The following ZNF469 variants were observed in gnomAD, a reference collection of about 807,000 sequenced individuals.
ZNF469 encodes zinc finger protein 469.
In ZNF469, 1 loss-of-function variant was observed where a neutral mutation model predicts 1.0. That is an observed-to-expected ratio of 1.00 (90% CI 0.35 to 4.73). The LOEUF is 4.73. ZNF469 is among the 30% of genes most tolerant of loss of function. ZNF469 has a pLI of 0.16. For missense variants in ZNF469, 6,100 were observed against 5,356.3 expected (o/e 1.14, Z -4.33); for synonymous variants, 2,703 against 2,363.4 (o/e 1.14, Z -4.17).
chr16:88,223,951 G>T, the ZNF469 span, among the ~76,000 whole-genome samples: 34 of 152,382 alleles, frequency 2.2e-4, no homozygotes, highest in East Asian at 6.6e-3. Context: ...GAATGAACGA[G>T]CGGAGGAATG....
the ZNF469 span, chr16:88,194,246 CCGGGGA>C: frequency 6.6e-6 from 1 of 152,380 alleles, no homozygotes; most frequent in African/African-American, 2.4e-5. Context: ...ACTGCAGCAG[CCGGGGA>C]CGGGCCTCAC....
rs766689830 is a variant in ZNF469 at position 88,427,442 on chromosome 16, C to A, written c.-29C>A. ...CCCCAGGGCCCCCCTCGGACAGCTG[C>A]GTCGTCCTAGCGCCAGGACGGAGGG... is the stretch of plus-strand genomic sequence containing the variant. On this transcript the variant is annotated 5_prime_UTR_variant, in exon 3 of 3. Transcript: ENST00000565624. 2 of 1,461,124 alleles carry A rather than the reference C, an allele frequency of 1.4e-6. No individual in the cohort carries two copies. The highest frequency in any genetic ancestry group is 1.8e-6 in the Non-Finnish European group (2 of 1,108,488). The allele number at this position is 1,461,124 out of a possible 1,614,324, so 90.5% of individuals were successfully genotyped here. A position where few individuals can be genotyped will look rare whatever the true frequency, so the allele number is the denominator to read the frequency against.
the ZNF469 span, among the ~76,000 whole-genome samples, chr16:88,289,660 G>A: frequency 6.6e-6 from 1 of 152,176 alleles, no homozygotes; most frequent in Admixed American, 6.5e-5. Context: ...GAGTGGTGGA[G>A]CTGGGATCGT....
the ZNF469 span, among the ~76,000 whole-genome samples, chr16:88,179,925 G>C: frequency 6.6e-6 from 1 of 152,214 alleles, no homozygotes; most frequent in East Asian, 1.9e-4. Context: ...TGAAGTGGTA[G>C]AATATTGTGT....
At chr16:88,110,792 G>C in the ZNF469 span, among the ~76,000 whole-genome samples, 1 of 152,240 alleles carries the variant, frequency 6.6e-6, no homozygotes, top group Non-Finnish European at 1.5e-5. Flanking sequence ...GTGCTTGTGG[G>C]CTCTAACAAA....
At chr16:88,349,713 T>TGCAC in the ZNF469 span, among the ~76,000 whole-genome samples, 4 of 28,004 alleles carry the variant, frequency 1.4e-4, no homozygotes, top group South Asian at 1.2e-3. Context: ...ACCACACAAG[T>TGCAC]ACACATCCAG....
chr16:88,410,148 G>A (rs745725887), intron 1 of ZNF469, among the ~76,000 whole-genome samples: 1 of 152,192 alleles, frequency 6.6e-6, no homozygotes, highest in Non-Finnish European at 1.5e-5. Flanking sequence ...AACTGTTCAC[G>A]GAGAAGTTCA....
the ZNF469 span, among the ~76,000 whole-genome samples, chr16:88,251,854 G>A: frequency 2.0e-4 from 31 of 151,880 alleles, no homozygotes; most frequent in East Asian, 7.8e-4. Flanking sequence ...TCACCGCGCC[G>A]GGCCCCTGCT....
chr16:88,184,611 G>C, the ZNF469 span, among the ~76,000 whole-genome samples: 1 of 152,140 alleles, frequency 6.6e-6, no homozygotes, highest in South Asian at 2.1e-4. Context: ...CAGGGGGGAA[G>C]CTGCAGAGTT....
chr16:88,308,429 C>G, the ZNF469 span, among the ~76,000 whole-genome samples: 1 of 152,142 alleles, frequency 6.6e-6, no homozygotes, highest in Non-Finnish European at 1.5e-5. Flanking sequence ...TCATCTGATT[C>G]TTTGGGAGAT....
chr16:88,216,513 A>G, the ZNF469 span, among the ~76,000 whole-genome samples: 1 of 148,676 alleles, frequency 6.7e-6, no homozygotes, highest in Non-Finnish European at 1.5e-5. Flanking sequence ...AAAAAAAGAT[A>G]TTATTCCATT....
chr16:88,121,690 G>A, the ZNF469 span, among the ~76,000 whole-genome samples: 4 of 152,206 alleles, frequency 2.6e-5, no homozygotes, highest in African/African-American at 9.6e-5. Flanking sequence ...CTGTTGTTCA[G>A]TGACTTTTAA....
the ZNF469 span, among the ~76,000 whole-genome samples, chr16:88,372,728 A>G: frequency 2.8e-5 from 4 of 144,552 alleles, no homozygotes; most frequent in African/African-American, 1.1e-4. Flanking sequence ...TGATCTTATC[A>G]TCTTCACCAT....
upstream of ZNF469, among the ~76,000 whole-genome samples, chr16:88,380,374 C>T (rs1295325096): frequency 8.8e-6 from 1 of 113,720 alleles, no homozygotes; most frequent in African/African-American, 6.3e-5. Flanking sequence ...CAGACATGCA[C>T]TCACACGCAC....
At chr16:88,296,366 T>G in the ZNF469 span, among the ~76,000 whole-genome samples, 1 of 151,932 alleles carries the variant, frequency 6.6e-6, no homozygotes, top group African/African-American at 2.4e-5. Flanking sequence ...ACACACATGC[T>G]CATGCACACA....
chr16:88,238,035 TGGA>T, the ZNF469 span, among the ~76,000 whole-genome samples: 1 of 152,252 alleles, frequency 6.6e-6, no homozygotes, highest in Admixed American at 6.5e-5. Context: ...TTCCATTGTC[TGGA>T]GGGACCCCAG....
At chr16:88,329,272 A>T in the ZNF469 span, among the ~76,000 whole-genome samples, 7 of 152,208 alleles carry the variant, frequency 4.6e-5, no homozygotes, top group African/African-American at 1.7e-4. Context: ...CTGCTTCTTC[A>T]TCTTCTGAGA....
chr16:88,416,853 G>A (rs534821855), intron 1 of ZNF469, among the ~76,000 whole-genome samples: 3 of 152,320 alleles, frequency 2.0e-5, no homozygotes, highest in African/African-American at 7.2e-5. Flanking sequence ...CCCGGGAGGG[G>A]TACCCAGGGC....
Position 88,433,590 on chromosome 16 carries a change from G to A in ZNF469, c.6120G>A (p.Lys2040=). 1 of 1,550,334 alleles carries A rather than the reference G, an allele frequency of 6.5e-7. No homozygotes were observed. The highest frequency in any genetic ancestry group is 8.7e-7 in the Non-Finnish European group (1 of 1,146,928). ...TEGAVLLEKC[K]GSRAAMSLQE... ...GTGCAGTCCTGCTAGAGAAATGCAA[G>A]GGAAGCAGGGCAGCCATGAGCCTTC... Residue 2040 remains lysine (K), a synonymous_variant, in exon 3 of 3, where the codon AAG becomes AAA. Coordinates refer to ENST00000565624, the MANE Select transcript of ZNF469 (RefSeq NM_001367624.2).
Sources: gnomAD v4.1 joint callset for allele counts (sites outside exome capture counted in the v4.1 genomes callset) on GRCh38, gnomAD v4.1.1 for gene constraint, MANE v1.5 for transcripts, NCBI Gene and HGNC (gene_info 2026-07-23, HGNC 2026-07-21) for gene names.